Variants in CSMD1 observed in about 807,000 individuals in gnomAD.
CSMD1 encodes the protein CUB and sushi domain-containing protein 1.
Under a neutral mutation model 417.5 loss-of-function variants are expected in CSMD1, and 213 were observed. The observed-to-expected ratio is 0.51, with a 90% CI of 0.46 to 0.57. CSMD1 has a LOEUF of 0.57. Among genes scored for constraint, CSMD1 ranks in the 20% least tolerant of loss-of-function variants. The pLI is 0.00. For synonymous variants in CSMD1, 2,862 were observed against 1,736.8 expected (o/e 1.65, Z -16.11); for missense variants, 6,923 against 4,529.7 (o/e 1.53, Z -15.17).
intron 2 of CSMD1, among the ~76,000 whole-genome samples, chr8:4,451,759 T>C (rs1047222468): frequency 1.1e-4 from 16 of 152,020 alleles, no homozygotes; most frequent in Non-Finnish European, 1.9e-4. Flanking sequence ...ATGATACAGA[T>C]AGAACCATCA....
intron 3 of CSMD1, among the ~76,000 whole-genome samples, chr8:4,287,131 A>T (rs183887855): frequency 5.2e-4 from 79 of 152,346 alleles, no homozygotes; most frequent in African/African-American, 1.7e-3. Flanking sequence ...TTCAACACCT[A>T]GTCTGTTAAT....
intron 3 of CSMD1, among the ~76,000 whole-genome samples, chr8:4,165,843 T>A (rs985369278): frequency 9.9e-5 from 15 of 152,228 alleles, no homozygotes; most frequent in African/African-American, 3.6e-4. Flanking sequence ...CTAATTGCGT[T>A]TTTTGCCATT....
chr8:3,537,098 G>A (rs1279836126), intron 10 of CSMD1, among the ~76,000 whole-genome samples: 3 of 152,042 alleles, frequency 2.0e-5, no homozygotes, highest in Admixed American at 6.6e-5. Flanking sequence ...CCGCCTCCTG[G>A]GTTCCAGCAA....
chr8:3,880,721 G>T (rs1443146651), intron 5 of CSMD1, among the ~76,000 whole-genome samples: 19 of 152,014 alleles, frequency 1.2e-4, no homozygotes, highest in Non-Finnish European at 1.5e-5. Flanking sequence ...CCTTAAATAA[G>T]CAAAATATAT....
At chr8:3,782,748 G>A (rs1377071317) in intron 5 of CSMD1, among the ~76,000 whole-genome samples, 1 of 152,308 alleles carries the variant, frequency 6.6e-6, no homozygotes, top group African/African-American at 2.4e-5. Flanking sequence ...TGAATTATAA[G>A]AACAGTATGA....
intron 3 of CSMD1, among the ~76,000 whole-genome samples, chr8:4,197,457 C>T (rs747367240): frequency 6.6e-5 from 10 of 152,250 alleles, no homozygotes; most frequent in South Asian, 2.1e-4. Context: ...AGGTGGGCCC[C>T]GTTTCATCAC....
At chr8:4,177,525 A>G (rs13261293) in intron 3 of CSMD1, among the ~76,000 whole-genome samples, 2 of 152,160 alleles carry the variant, frequency 1.3e-5, no homozygotes, top group East Asian at 1.9e-4. Flanking sequence ...AAAGAACTAG[A>G]AAAACAAGAG....
chr8:4,816,775 G>C (rs1243450682), intron 1 of CSMD1, among the ~76,000 whole-genome samples: 2 of 152,160 alleles, frequency 1.3e-5, no homozygotes, highest in Non-Finnish European at 2.9e-5. Flanking sequence ...TGAGGATGGG[G>C]ATGAAGGAAC....
intron 8 of CSMD1, among the ~76,000 whole-genome samples, chr8:3,611,664 A>G (rs1801900986): frequency 6.6e-6 from 1 of 152,164 alleles, no homozygotes; most frequent in African/African-American, 2.4e-5. Flanking sequence ...CATGAGTTTG[A>G]CAGTTTTTCA....
At chr8:4,570,476 G>C (rs1235262380) in intron 2 of CSMD1, among the ~76,000 whole-genome samples, 1 of 152,168 alleles carries the variant, frequency 6.6e-6, no homozygotes, top group African/African-American at 2.4e-5. Flanking sequence ...TGCATCCCAG[G>C]GATGAAGCTG....
At chr8:3,215,942 T>C (rs1019855504) in intron 29 of CSMD1, among the ~76,000 whole-genome samples, 9 of 151,052 alleles carry the variant, frequency 6.0e-5, no homozygotes, top group Admixed American at 5.3e-4. Flanking sequence ...TTGGTGATCA[T>C]TGACTTAATC....
intron 1 of CSMD1, among the ~76,000 whole-genome samples, chr8:4,750,131 G>T (rs905463774): frequency 6.6e-6 from 1 of 152,016 alleles, no homozygotes; most frequent in Non-Finnish European, 1.5e-5. Flanking sequence ...TCAGCCTCCC[G>T]AGTAGCTGGG....
chr8:4,563,318 G>A (rs923493289), intron 2 of CSMD1, among the ~76,000 whole-genome samples: 16 of 152,218 alleles, frequency 1.1e-4, no homozygotes, highest in African/African-American at 2.9e-4. Flanking sequence ...GGAGAATGGC[G>A]TGAACCCAGG....
At chr8:4,956,144 A>G (rs1809093953) in intron 1 of CSMD1, among the ~76,000 whole-genome samples, 1 of 152,114 alleles carries the variant, frequency 6.6e-6, no homozygotes, top group South Asian at 2.1e-4. Context: ...AATGGATGAC[A>G]GAGTTATCAT....
chr8:3,830,898 A>C (rs1319733074), intron 5 of CSMD1, among the ~76,000 whole-genome samples: 2 of 152,172 alleles, frequency 1.3e-5, no homozygotes, highest in African/African-American at 4.8e-5. Flanking sequence ...CGTTAATAAA[A>C]TCTATATTTC....
intron 26 of CSMD1, among the ~76,000 whole-genome samples, chr8:3,283,532 C>G (rs200361955): frequency 6.6e-6 from 1 of 151,892 alleles, no homozygotes; most frequent in Admixed American, 6.6e-5. Context: ...TTGATACTGA[C>G]AGTGTTCAGA....
At chr8:3,105,382 C>A (rs1377183677) in intron 46 of CSMD1, among the ~76,000 whole-genome samples, 1 of 152,174 alleles carries the variant, frequency 6.6e-6, no homozygotes, top group East Asian at 1.9e-4. Context: ...ATCTGCACTT[C>A]ACTATGATTT....
intron 1 of CSMD1, among the ~76,000 whole-genome samples, chr8:4,821,961 C>A (rs928042902): frequency 1.3e-5 from 2 of 151,958 alleles, no homozygotes; most frequent in East Asian, 3.8e-4. Context: ...TAAAGCTTCT[C>A]AGAGAATACT....
intron 1 of CSMD1, among the ~76,000 whole-genome samples, chr8:4,984,829 A>G (rs1811088239): frequency 6.6e-6 from 1 of 152,192 alleles, no homozygotes; most frequent in South Asian, 2.1e-4. Flanking sequence ...GACCTGTTCT[A>G]ACTGGAATAG....
Sources: gnomAD v4.1 joint callset for allele counts (sites outside exome capture counted in the v4.1 genomes callset) on GRCh38, gnomAD v4.1.1 for gene constraint, MANE v1.5 for transcripts, NCBI Gene and HGNC (gene_info 2026-07-23, HGNC 2026-07-21) for gene names.